The following CDKAL1 variants were observed in gnomAD, a reference collection of about 807,000 sequenced individuals.
CDKAL1 encodes threonylcarbamoyladenosine tRNA methylthiotransferase.
A neutral mutation model predicts 68.2 loss-of-function variants in CDKAL1; 32 were observed. The observed-to-expected ratio is 0.47, with a 90% CI of 0.35 to 0.63. The LOEUF is 0.63. CDKAL1 is among the 30% of genes least tolerant of loss of function. The pLI is 0.00. For synonymous variants in CDKAL1, 234 were observed against 244.3 expected (o/e 0.96, Z 0.39); for missense variants, 606 against 696.7 (o/e 0.87, Z 1.47).
intron 4 of CDKAL1, among the ~76,000 whole-genome samples, chr6:20,585,390 A>G (rs1179901114): frequency 6.6e-6 from 1 of 151,728 alleles, no homozygotes; most frequent in Non-Finnish European, 1.5e-5. Flanking sequence ...TTACTCTCCA[A>G]CTTCCTGATA....
At chr6:21,079,076 T>C (rs1448781486) in intron 12 of CDKAL1, among the ~76,000 whole-genome samples, 1 of 152,064 alleles carries the variant, frequency 6.6e-6, no homozygotes, top group Non-Finnish European at 1.5e-5. Flanking sequence ...AGGGGCGGCG[T>C]GGGACAGAAC....
intron 13 of CDKAL1, among the ~76,000 whole-genome samples, chr6:21,169,162 C>T (rs1038998441): frequency 1.2e-4 from 18 of 152,168 alleles, no homozygotes; most frequent in Non-Finnish European, 5.9e-5. Flanking sequence ...AAAAATACAA[C>T]TGGAATATTT....
intron 4 of CDKAL1, among the ~76,000 whole-genome samples, chr6:20,640,380 G>A (rs886873848): frequency 6.6e-6 from 1 of 152,196 alleles, no homozygotes; most frequent in Non-Finnish European, 1.5e-5. Flanking sequence ...CCTGAATAGT[G>A]TTGATGTGAA....
intron 11 of CDKAL1, among the ~76,000 whole-genome samples, chr6:21,031,635 A>C (rs1237230178): frequency 2.0e-5 from 3 of 151,988 alleles, no homozygotes; most frequent in African/African-American, 4.8e-5. Flanking sequence ...ACATCTTGGA[A>C]GGTAGAAGTC....
At chr6:20,863,343 A>T (rs1418362839) in intron 9 of CDKAL1, among the ~76,000 whole-genome samples, 2 of 152,154 alleles carry the variant, frequency 1.3e-5, no homozygotes, top group African/African-American at 4.8e-5. Context: ...TTCATACATC[A>T]TCAATAGTGC....
At chr6:21,069,774 CTTT>C (rs60241965) in intron 12 of CDKAL1, among the ~76,000 whole-genome samples, 1,793 of 69,784 alleles carry the variant, frequency 0.026, 30 homozygotes, top group Middle Eastern at 0.059. Flanking sequence ...GATTTTCTTT[CTTT>C]TTTTTTTTTT....
At chr6:20,542,471 A>G (rs996868663) in intron 2 of CDKAL1, among the ~76,000 whole-genome samples, 1 of 152,178 alleles carries the variant, frequency 6.6e-6, no homozygotes, top group Non-Finnish European at 1.5e-5. Context: ...CTACCTAGTA[A>G]GAGTTGTTGT....
chr6:21,224,939 T>C (rs1459881466), intron 15 of CDKAL1, among the ~76,000 whole-genome samples: 4 of 152,218 alleles, frequency 2.6e-5, no homozygotes, highest in Admixed American at 1.3e-4. Flanking sequence ...GCAGTTCATA[T>C]GGAAGGGATA....
At chr6:21,074,940 T>G (rs1771983013) in intron 12 of CDKAL1, among the ~76,000 whole-genome samples, 1 of 151,958 alleles carries the variant, frequency 6.6e-6, no homozygotes, top group African/African-American at 2.4e-5. Context: ...CAAAATGTAG[T>G]GGTGTTTTTT....
chr6:20,804,937 G>A (rs1442554800), intron 8 of CDKAL1, among the ~76,000 whole-genome samples: 3 of 152,118 alleles, frequency 2.0e-5, no homozygotes, highest in Admixed American at 1.3e-4. Context: ...TAAAAGTCCT[G>A]TTGTTTGAGC....
chr6:20,590,105 A>G (rs888979167), intron 4 of CDKAL1, among the ~76,000 whole-genome samples: 1 of 152,184 alleles, frequency 6.6e-6, no homozygotes, highest in Admixed American at 6.5e-5. Context: ...TAGGCTGCTT[A>G]TTGTATTGTA....
intron 8 of CDKAL1, among the ~76,000 whole-genome samples, chr6:20,782,817 T>G (rs890799253): frequency 1.2e-4 from 18 of 152,218 alleles, no homozygotes; most frequent in African/African-American, 4.3e-4. Context: ...TTTTAAAATT[T>G]GACAGTTTAG....
At chr6:20,686,470 C>T (rs1193528251) in intron 5 of CDKAL1, among the ~76,000 whole-genome samples, 1 of 152,186 alleles carries the variant, frequency 6.6e-6, no homozygotes, top group East Asian at 1.9e-4. Flanking sequence ...GATGATCTGT[C>T]ACTGTCTCCC....
intron 10 of CDKAL1, among the ~76,000 whole-genome samples, chr6:20,995,923 G>A (rs979976096): frequency 2.0e-5 from 3 of 152,308 alleles, no homozygotes; most frequent in Admixed American, 2.0e-4. Flanking sequence ...TTGAAAATCT[G>A]CGGTGTGCCA....
At chr6:20,983,072 T>C (rs1766243142) in intron 10 of CDKAL1, among the ~76,000 whole-genome samples, 1 of 152,216 alleles carries the variant, frequency 6.6e-6, no homozygotes, top group East Asian at 1.9e-4. Context: ...GAAATGCTTT[T>C]ATTTACGTTC....
intron 9 of CDKAL1, among the ~76,000 whole-genome samples, chr6:20,855,499 A>T (rs1759288644): frequency 1.3e-5 from 2 of 151,726 alleles, no homozygotes; most frequent in Non-Finnish European, 2.9e-5. Flanking sequence ...CTTGAAAAGC[A>T]TAACACCCTG....
intron 9 of CDKAL1, among the ~76,000 whole-genome samples, chr6:20,903,056 G>A (rs930944707): frequency 6.6e-6 from 1 of 152,144 alleles, no homozygotes; most frequent in African/African-American, 2.4e-5. Context: ...TGTGACTTCA[G>A]GGTGGAAAAA....
chr6:20,909,347 A>T lies in CDKAL1; in HGVS notation c.743-46072A>T, dbSNP rs190937650. ...AATCAGAATTGATGATGGGACCAAA[A>T]ATGGGTCAGACCGTCCAAAGAATAT... On this transcript the variant is annotated intron_variant, in intron 9 of 15. Coordinates refer to ENST00000274695, the MANE Select transcript of CDKAL1 (RefSeq NM_017774.3). Among the ~76,000 whole-genome samples the T allele has an allele frequency of 4.4e-3, 669 of 152,200 alleles. 4 individuals are homozygous for T. The highest frequency in any genetic ancestry group is 0.016 in the African/African-American group (645 of 41,496).
intron 4 of CDKAL1, among the ~76,000 whole-genome samples, chr6:20,549,721 C>T (rs537367069): frequency 6.6e-6 from 1 of 152,028 alleles, no homozygotes; most frequent in African/African-American, 2.4e-5. Flanking sequence ...ATTCTTCTGC[C>T]TCAGCCTCCC....
Sources: allele counts gnomAD v4.1 joint callset (sites outside exome capture counted in the v4.1 genomes callset), GRCh38; gene constraint gnomAD v4.1.1; transcripts MANE v1.5; gene names NCBI Gene and HGNC (gene_info 2026-07-23, HGNC 2026-07-21).